The following GNB4 variants were observed in gnomAD, a reference collection of about 807,000 sequenced individuals.
GNB4 encodes the protein guanine nucleotide-binding protein subunit beta-4.
A neutral mutation model predicts 45.2 loss-of-function variants in GNB4; 28 were observed. The observed-to-expected ratio is 0.62, with a 90% CI of 0.46 to 0.85. GNB4 has a LOEUF of 0.85. GNB4 is among the 40% of genes least tolerant of loss of function. GNB4 has a pLI of 0.00. For synonymous variants in GNB4, 132 were observed against 143.7 expected, an observed-to-expected ratio of 0.92 and a Z score of 0.58; for missense variants, 321 against 425.4, an observed-to-expected ratio of 0.75 and a Z score of 2.16.
At chr3:179,430,518 T>C (rs1715279801) in intron 1 of GNB4, among the ~76,000 whole-genome samples, 1 of 151,996 alleles carries the variant, frequency 6.6e-6, no homozygotes, top group South Asian at 2.1e-4. Context: ...AGCAGCACAA[T>C]CACAGCTCAC....
the GNB4 span, among the ~76,000 whole-genome samples, chr3:179,503,799 A>G: frequency 6.6e-6 from 1 of 152,222 alleles, no homozygotes; most frequent in African/African-American, 2.4e-5. Context: ...CATTCAAAGG[A>G]TTAAATTAAA....
At chr3:179,402,894 G>A (rs944837115) in intron 9 of GNB4, among the ~76,000 whole-genome samples, 4 of 152,168 alleles carry the variant, frequency 2.6e-5, no homozygotes, top group African/African-American at 7.2e-5. Context: ...GCGCTGTGGC[G>A]TAAGGCCAGA....
the GNB4 span, among the ~76,000 whole-genome samples, chr3:179,459,364 G>A: frequency 6.6e-6 from 1 of 152,164 alleles, no homozygotes; most frequent in Admixed American, 6.5e-5. Flanking sequence ...TGATGCTTGG[G>A]TGTGTTCCTA....
chr3:179,436,492 A>G (rs1330830721), intron 1 of GNB4, among the ~76,000 whole-genome samples: 4 of 152,098 alleles, frequency 2.6e-5, no homozygotes, highest in Non-Finnish European at 4.4e-5. Flanking sequence ...TTTGGTGTAA[A>G]TTTTCTAGTA....
At chr3:179,465,379 G>A in the GNB4 span, 107 of 693,552 alleles carry the variant, frequency 1.5e-4, no homozygotes, top group Non-Finnish European at 1.9e-4. Flanking sequence ...CGAGGCGGGC[G>A]AATCACGAGA....
chr3:179,415,009 G>C lies in GNB4; in HGVS notation c.306C>G (p.Thr102=). 1 of 1,609,416 alleles carries C rather than the reference G, an allele frequency of 6.2e-7. No homozygotes were observed. Among genetic ancestry groups the C allele is most frequent in the African/African-American group, 1.3e-5 (1 of 74,954 alleles). Residue 102 remains threonine (T), a synonymous_variant, in exon 6 of 10, where the codon ACC becomes ACG. Transcript: ENST00000232564. ...AATTACCAGAGGGAGCATAAGCACA[G>C]GTCATCACCCAGGAGGACCTCAAAG... The part of the protein sequence containing the change: ...AIPLRSSWVM[T]CAYAPSGNYV...
At chr3:179,520,679 C>T in the GNB4 span, among the ~76,000 whole-genome samples, 1 of 152,142 alleles carries the variant, frequency 6.6e-6, no homozygotes, top group Admixed American at 6.6e-5. Context: ...GAGTCTCCCA[C>T]AGTTACCATT....
chr3:179,447,305 G>C (rs1010830482), intron 1 of GNB4, among the ~76,000 whole-genome samples: 12 of 150,384 alleles, frequency 8.0e-5, no homozygotes, highest in African/African-American at 2.9e-4. Flanking sequence ...GAGACTAGAA[G>C]GGTGTGCCAG....
intron 5 of GNB4, among the ~76,000 whole-genome samples, 175 bp from the exon 6 acceptor site, chr3:179,415,222 C>T (rs1260066340): frequency 6.6e-6 from 1 of 152,116 alleles, no homozygotes; most frequent in East Asian, 1.9e-4. Context: ...CACTAACGCA[C>T]ATTAAAATGC....
chr3:179,495,139 A>G, the GNB4 span, among the ~76,000 whole-genome samples: 471 of 151,666 alleles, frequency 3.1e-3, 2 homozygotes, highest in African/African-American at 0.011. Context: ...CATAGTCATA[A>G]CTACATGGGA....
intron 2 of GNB4, among the ~76,000 whole-genome samples, chr3:179,422,925 T>G (rs1715034341): frequency 6.6e-6 from 1 of 152,082 alleles, no homozygotes; most frequent in African/African-American, 2.4e-5. Context: ...CCCGAGTAGC[T>G]GGGACTATAG....
the GNB4 span, among the ~76,000 whole-genome samples, chr3:179,501,777 C>A: frequency 3.9e-5 from 6 of 152,266 alleles, no homozygotes; most frequent in South Asian, 1.0e-3. Flanking sequence ...TGAGTTATTT[C>A]TTTTCTCATG....
chr3:179,446,604 T>C (rs1423718458), intron 1 of GNB4, among the ~76,000 whole-genome samples: 2 of 152,220 alleles, frequency 1.3e-5, no homozygotes, highest in African/African-American at 4.8e-5. Context: ...TTAAGTTAAT[T>C]ATCCAGTTTG....
chr3:179,452,555 C>T (rs1715912157), upstream of GNB4: 2 of 152,214 alleles, frequency 1.3e-5, no homozygotes, highest in Non-Finnish European at 2.9e-5. Context: ...CTGCTTCCCA[C>T]TATCACCTGG....
the GNB4 span, among the ~76,000 whole-genome samples, chr3:179,500,563 C>G: frequency 6.6e-6 from 1 of 152,174 alleles, no homozygotes; most frequent in Non-Finnish European, 1.5e-5. Flanking sequence ...CTTGGCTATG[C>G]AGGCTCTTTT....
At chr3:179,478,819 G>A in the GNB4 span, among the ~76,000 whole-genome samples, 1 of 152,194 alleles carries the variant, frequency 6.6e-6, no homozygotes, top group African/African-American at 2.4e-5. Context: ...GAGTTCTCAT[G>A]AATGGTTTAG....
chr3:179,461,799 CT>C, the GNB4 span, among the ~76,000 whole-genome samples: 1 of 152,132 alleles, frequency 6.6e-6, no homozygotes, highest in Admixed American at 6.5e-5. Flanking sequence ...TTGAAGTTTT[CT>C]TTGTGTGTAA....
At chr3:179,468,315 G>A in the GNB4 span, among the ~76,000 whole-genome samples, 8 of 151,602 alleles carry the variant, frequency 5.3e-5, no homozygotes, top group African/African-American at 1.9e-4. Flanking sequence ...GACTAACATG[G>A]AGAAACCCCA....
chr3:179,500,979 G>T, the GNB4 span, among the ~76,000 whole-genome samples: 2 of 152,176 alleles, frequency 1.3e-5, no homozygotes, highest in Non-Finnish European at 2.9e-5. Flanking sequence ...GAGATTTTGG[G>T]CTGAGATGAT....
Sources: gnomAD v4.1 joint callset for allele counts (sites outside exome capture counted in the v4.1 genomes callset) on GRCh38, gnomAD v4.1.1 for gene constraint, MANE v1.5 for transcripts, NCBI Gene and HGNC (gene_info 2026-07-23, HGNC 2026-07-21) for gene names.